The following KCNIP3 variants were observed in gnomAD, a reference collection of about 807,000 sequenced individuals.
The protein encoded by KCNIP3 is potassium voltage-gated channel interacting protein 3.
In KCNIP3, 28 loss-of-function variants were observed where a neutral mutation model predicts 35.0. That is an observed-to-expected ratio of 0.80 (90% CI 0.59 to 1.10). KCNIP3 has a LOEUF of 1.10. Among genes scored for constraint, KCNIP3 ranks in the 50% least tolerant of loss-of-function variants. The pLI, the probability that KCNIP3 is intolerant of heterozygous loss-of-function variation, is 0.00. For synonymous variants in KCNIP3, 134 were observed against 133.8 expected, an observed-to-expected ratio of 1.00 and a Z score of -0.01; for missense variants, 295 against 338.4, an observed-to-expected ratio of 0.87 and a Z score of 1.01.
chr2:95,304,351 A>G (rs992794805), intron 1 of KCNIP3, among the ~76,000 whole-genome samples: 1 of 152,234 alleles, frequency 6.6e-6, no homozygotes, highest in Non-Finnish European at 1.5e-5. Flanking sequence ...GCCATGAAAT[A>G]AGGCAGCAGC....
chr2:95,311,672 CA>C (rs1370445401), intron 2 of KCNIP3: 1 of 152,346 alleles, frequency 6.6e-6, no homozygotes, highest in African/African-American at 2.4e-5. Flanking sequence ...CCTTTACCCA[CA>C]AATGCCACTC....
chr2:95,316,691 T>C (rs967220362), intron 2 of KCNIP3, among the ~76,000 whole-genome samples: 23 of 152,188 alleles, frequency 1.5e-4, no homozygotes, highest in African/African-American at 5.5e-4. Flanking sequence ...GATGCTTCCA[T>C]TCCACTGGCC....
At chr2:95,374,810 G>A in intron 3 of KCNIP3, 38 bp from the exon 4 acceptor site, 1 of 1,605,718 alleles carries the variant, frequency 6.2e-7, no homozygotes, top group Non-Finnish European at 8.5e-7. Context: ...TTGGAGCTGG[G>A]GGTGGCCGAG....
chr2:95,310,237 G>A (rs762793178), intron 1 of KCNIP3, 118 bp from the exon 2 acceptor site: 15 of 1,218,396 alleles, frequency 1.2e-5, no homozygotes, highest in Non-Finnish European at 1.8e-5. Flanking sequence ...GCCCCGGAAG[G>A]TGAGCCCTCT....
chr2:95,319,376 G>A (rs922105225), intron 2 of KCNIP3, among the ~76,000 whole-genome samples: 6 of 152,174 alleles, frequency 3.9e-5, no homozygotes, highest in African/African-American at 1.4e-4. Context: ...GTCCCTTAGC[G>A]GTGCCTTAGG....
At chr2:95,300,422 C>A (rs1260935585) in intron 1 of KCNIP3, among the ~76,000 whole-genome samples, 1 of 152,144 alleles carries the variant, frequency 6.6e-6, no homozygotes, top group African/African-American at 2.4e-5. Flanking sequence ...CCCAGCCCAC[C>A]CCTGGGCATC....
At chr2:95,317,786 A>G (rs1251697975) in intron 2 of KCNIP3, among the ~76,000 whole-genome samples, 2 of 152,186 alleles carry the variant, frequency 1.3e-5, no homozygotes, top group African/African-American at 4.8e-5. Context: ...TACCGCCTGC[A>G]CAGTGGCAGG....
At chr2:95,349,090 C>T (rs531808770) in intron 2 of KCNIP3, among the ~76,000 whole-genome samples, 4 of 152,060 alleles carry the variant, frequency 2.6e-5, no homozygotes, top group African/African-American at 9.7e-5. Flanking sequence ...CTCAGACACC[C>T]CCCCCCGCCC....
At chr2:95,324,768 T>A (rs1044906081) in intron 2 of KCNIP3, among the ~76,000 whole-genome samples, 3 of 148,354 alleles carry the variant, frequency 2.0e-5, no homozygotes, top group Non-Finnish European at 3.0e-5. Context: ...AAAGTTAGCC[T>A]GGCGTAGTGG....
intron 2 of KCNIP3, among the ~76,000 whole-genome samples, chr2:95,368,297 T>C (rs1679963913): frequency 6.6e-6 from 1 of 152,046 alleles, no homozygotes; most frequent in Non-Finnish European, 1.5e-5. Context: ...TGCCTTCTCA[T>C]AGTAGCAAAC....
intron 1 of KCNIP3, among the ~76,000 whole-genome samples, chr2:95,303,702 C>T (rs1178410354): frequency 2.6e-5 from 4 of 152,158 alleles, no homozygotes; most frequent in Admixed American, 1.3e-4. Context: ...GAGGCAGCTG[C>T]GAGTCCAGCT....
At chr2:95,335,717 T>A (rs1220607540) in intron 2 of KCNIP3, among the ~76,000 whole-genome samples, 4 of 152,206 alleles carry the variant, frequency 2.6e-5, no homozygotes, top group Non-Finnish European at 5.9e-5. Flanking sequence ...AAATTATTTT[T>A]AAAATTATTA....
At position 95,376,368 on chromosome 2, in the gene KCNIP3, G is replaced by A. The variant is rs1049301040; in HGVS notation, c.447+1160G>A. Among the ~76,000 whole-genome samples, 6 of 152,218 alleles carry A rather than the reference G, an allele frequency of 3.9e-5. No individual in the cohort carries two copies. Among genetic ancestry groups the A allele is most frequent in the African/African-American group, 9.6e-5 (4 of 41,466 alleles). ...TTTCTTGTTCAGGAATGAGATGACT[G>A]AGAGGCTCGGCAGAGCCCCTGCTCA... On this transcript the variant is annotated intron_variant, in intron 5 of 8. Transcript: ENST00000295225. This position sits in a 1 kb window ranked among gnomAD's most constrained non-coding sequence, Gnocchi z 4.2.
intron 5 of KCNIP3, 57 bp downstream of exon 5, chr2:95,375,265 C>A: frequency 1.3e-6 from 2 of 1,497,916 alleles, no homozygotes; most frequent in Non-Finnish European, 1.9e-6. Context: ...AGGAGTGAAT[C>A]CTTACCCTGG....
intron 2 of KCNIP3, among the ~76,000 whole-genome samples, chr2:95,359,617 C>G (rs1258553495): frequency 6.6e-6 from 1 of 152,240 alleles, no homozygotes; most frequent in African/African-American, 2.4e-5. Context: ...ATTGTCCTAG[C>G]AAGGACTCTC....
intron 2 of KCNIP3, among the ~76,000 whole-genome samples, chr2:95,363,586 T>C (rs1232192994): frequency 6.6e-6 from 1 of 152,214 alleles, no homozygotes; most frequent in Non-Finnish European, 1.5e-5. Context: ...TCCATATACA[T>C]TTCAGTGTGT....
chr2:95,301,877 C>T (rs993658389), intron 1 of KCNIP3, among the ~76,000 whole-genome samples: 12 of 150,866 alleles, frequency 8.0e-5, no homozygotes, highest in Admixed American at 2.0e-4. Flanking sequence ...TGTGTGTGTG[C>T]GCGCTCATAG....
chr2:95,324,523 G>GATAAGTAAATAA (rs1553443489), intron 2 of KCNIP3, among the ~76,000 whole-genome samples: 1 of 145,716 alleles, frequency 6.9e-6, no homozygotes, highest in Admixed American at 6.8e-5. Context: ...AAAATAAATA[G>GATAAGTAAATAA]ATAAATAAAT....
At chr2:95,325,879 A>C (rs550390975) in intron 2 of KCNIP3, among the ~76,000 whole-genome samples, 42 of 151,358 alleles carry the variant, frequency 2.8e-4, no homozygotes, top group African/African-American at 9.9e-4. Flanking sequence ...ATACACTCAG[A>C]CATACACACA....
Sources: gnomAD v4.1 joint callset for allele counts (sites outside exome capture counted in the v4.1 genomes callset) on GRCh38, gnomAD v4.1.1 for gene constraint, Gnocchi (gnomAD v3.1) non-coding constraint, MANE v1.5 for transcripts, NCBI Gene and HGNC (gene_info 2026-07-23, HGNC 2026-07-21) for gene names.